LACTB: variants seen among roughly 807,000 people sequenced by gnomAD.
LACTB encodes the protein lactamase beta.
A neutral mutation model predicts 50.2 loss-of-function variants in LACTB; 35 were observed. The ratio of observed to expected loss-of-function variants is 0.70; its 90% CI spans 0.53 to 0.92. The LOEUF (loss-of-function observed/expected upper bound fraction) is 0.92. LACTB is among the 40% of genes least tolerant of loss of function. The pLI, the probability that LACTB is intolerant of heterozygous loss-of-function variation, is 0.00. For missense variants in LACTB, 664 were observed against 691.8 expected (o/e 0.96, Z 0.45); for synonymous variants, 252 against 268.2 (o/e 0.94, Z 0.59).
intron 4 of LACTB, among the ~76,000 whole-genome samples, chr15:63,129,027 C>G (rs2037094537): frequency 6.6e-6 from 1 of 152,200 alleles, no homozygotes; most frequent in Non-Finnish European, 1.5e-5. Context: ...CAGGAGTGAG[C>G]CACCGCTCCT....
intron 5 of LACTB, among the ~76,000 whole-genome samples, chr15:63,139,255 A>C (rs1217612787): frequency 1.3e-5 from 2 of 151,154 alleles, no homozygotes; most frequent in African/African-American, 4.9e-5. Flanking sequence ...AATCCCAGCT[A>C]CTGGGGAGGC....
intron 2 of LACTB, among the ~76,000 whole-genome samples, chr15:63,125,201 CTT>C (rs1457755607): frequency 1.3e-5 from 2 of 149,370 alleles, no homozygotes; most frequent in Non-Finnish European, 3.0e-5. Flanking sequence ...GAGTTTCACT[CTT>C]GTTGCCCAGG....
chr15:63,142,000 T>C lies in LACTB; in HGVS notation c.*195T>C. ...GGTTCTTTATACTCAGGGAAGTAATTATATTGTTTTTACTTTTTGAAAAAA... is the reference window on the plus strand; with the variant it reads ...GGTTCTTTATACTCAGGGAAGTAATCATATTGTTTTTACTTTTTGAAAAAA... On this transcript the variant is annotated 3_prime_UTR_variant, in exon 6 of 6. Transcript: ENST00000261893. 3 of 508,086 alleles carry C rather than the reference T, an allele frequency of 5.9e-6. No homozygotes were observed. The highest frequency in any genetic ancestry group is 6.9e-6 in the Non-Finnish European group (2 of 290,468). 31.5% of individuals were successfully genotyped at this position (508,086 alleles called of 1,614,324 possible).
chr15:63,122,551 G>A (rs894824791), intron 1 of LACTB, 85 bp from the exon 2 acceptor site: 2 of 1,076,584 alleles, frequency 1.9e-6, no homozygotes, highest in Admixed American at 1.7e-5. Flanking sequence ...AGGCTCAGGG[G>A]GCGGGGCCTT....
chr15:63,136,442 A>G (rs2037178027), intron 5 of LACTB, among the ~76,000 whole-genome samples: 1 of 150,932 alleles, frequency 6.6e-6, no homozygotes, highest in Non-Finnish European at 1.5e-5. Context: ...TCTTGTTTTA[A>G]TTTTTGGTAG....
chr15:63,122,838 A>G (rs542647185), intron 2 of LACTB, 136 bp downstream of exon 2: 2 of 652,388 alleles, frequency 3.1e-6, no homozygotes, highest in Admixed American at 2.8e-5. Flanking sequence ...CATCTAACAT[A>G]ATAAAGAGTC....
At chr15:63,124,057 T>A (rs1319074290) in intron 2 of LACTB, among the ~76,000 whole-genome samples, 1 of 152,124 alleles carries the variant, frequency 6.6e-6, no homozygotes, top group Non-Finnish European at 1.5e-5. Context: ...CGCTCTTCGC[T>A]ACCGCTAGAC....
Position 63,136,529 on chromosome 15 carries a change from A to G in LACTB, c.1119-4751A>G, listed in dbSNP as rs971003236. Among the ~76,000 whole-genome samples, 3 of 152,078 alleles carry G rather than the reference A, an allele frequency of 2.0e-5. No individual in the cohort carries two copies. The East Asian group carries it at 5.8e-4, about 29-fold the overall frequency. On this transcript the variant is annotated intron_variant, in intron 5 of 5. Coordinates refer to ENST00000261893, the MANE Select transcript of LACTB (RefSeq NM_032857.5). ...CTGCTGAAATAAAATAGGGCACTAA[A>G]AGAGGAAATATTGTTACCTAGGAAA...
In LACTB at chr15:63,122,019, C is replaced by T. The variant is rs1303979334; in HGVS notation, c.148C>T (p.Leu50=). The change falls in exon 1 of 6, where the codon CTG becomes TTG. Residue 50 remains leucine (L), a synonymous_variant. Transcript: ENST00000261893. ...CGGGGGCCTCGGGCTGGGGCTGGGG[C>T]TGGCGCTCGGGGTGAAGCTGGCAGG... ...WVGGLGLGLG[L]ALGVKLAGGL... 1.1e-5 allele frequency: 16 copies of T among 1,398,154 alleles called. No homozygotes were observed. The highest frequency in any genetic ancestry group is 1.5e-5 in the African/African-American group (1 of 66,234). The allele number at this position is 1,398,154 out of a possible 1,614,324, so 86.6% of individuals were successfully genotyped here. A position where few individuals can be genotyped will look rare whatever the true frequency, so the allele number is the denominator to read the frequency against.
chr15:63,129,943 T>G, intron 5 of LACTB: 2 of 214,910 alleles, frequency 9.3e-6, no homozygotes, highest in Non-Finnish European at 1.8e-5. Context: ...CATTCCTTTT[T>G]TAGGTTTTAA....
chr15:63,135,589 A>T (rs2037168381), intron 5 of LACTB, among the ~76,000 whole-genome samples: 1 of 152,158 alleles, frequency 6.6e-6, no homozygotes, highest in African/African-American at 2.4e-5. Context: ...GCATGGTGGC[A>T]TGCGCCTGTA....
chr15:63,135,503 C>T lies in LACTB; in HGVS notation c.1119-5777C>T, dbSNP rs1433069051. On this transcript the variant is annotated intron_variant, in intron 5 of 5. Coordinates refer to ENST00000261893, the MANE Select transcript of LACTB (RefSeq NM_032857.5). ...TTGGGAGGCCAAGAGGGGTGGATTG[C>T]TTGAGCCTCGGTGTTCAAGACCAGC... Among the ~76,000 whole-genome samples the T allele has an allele frequency of 2.6e-5, 4 of 152,236 alleles. No homozygotes were observed. The East Asian group carries it at 7.7e-4, about 29-fold the overall frequency.
In LACTB at chr15:63,121,916, CG is replaced by C. The variant is rs1176933757; in HGVS notation, c.50del (p.Gly17AlafsTer38). The C allele has an allele frequency of 1.1e-5, 15 of 1,420,690 alleles. No individual in the cohort carries two copies. The highest frequency in any genetic ancestry group is 9.3e-5 in the South Asian group (6 of 64,574). The allele number at this position is 1,420,690 out of a possible 1,614,324, so 88.0% of individuals were successfully genotyped here. On this transcript the variant is annotated frameshift_variant, in exon 1 of 6. Transcript: ENST00000261893. LOFTEE classifies it high-confidence loss of function. Reference protein sequence around the residue: ...SAVTARAAAPGGLASSCGRRG... With the variant: ...SAVTARAAAPXGLASSCGRRG... ...CAGTGACTGCCCGGGCTGCCGCCCC[CG>C]GGGGCTTGGCCTCAAGCTGCGGACG...
At chr15:63,130,515 G>GAA (rs34509023) in intron 5 of LACTB, 4,926 of 90,676 alleles carry the variant, frequency 0.054, 265 homozygotes, top group East Asian at 0.17. Flanking sequence ...GTCAAAAAAG[G>GAA]AAAAAAAAAA....
chr15:63,121,907 T>C lies in LACTB; in HGVS notation c.36T>C (p.Ala12=). ...TCATGTCAGCAGTGACTGCCCGGGC[T>C]GCCGCCCCCGGGGGCTTGGCCTCAA... ...YRLMSAVTAR[A]AAPGGLASSC... is the part of the protein sequence containing the mutation. The change falls in exon 1 of 6, where the codon GCT becomes GCC. Residue 12 remains alanine (A), a synonymous_variant. Coordinates refer to ENST00000261893, the MANE Select transcript of LACTB (RefSeq NM_032857.5). 7.0e-7 allele frequency: 1 copy of C among 1,418,848 alleles called. No homozygotes were observed. Among genetic ancestry groups the C allele is most frequent in the South Asian group, 1.6e-5 (1 of 64,274 alleles). 87.9% of individuals were successfully genotyped at this position (1,418,848 alleles called of 1,614,324 possible). A position where few individuals can be genotyped will look rare whatever the true frequency, so the allele number is the denominator to read the frequency against.
chr15:63,131,473 A>G (rs189445192), intron 5 of LACTB: 18 of 152,332 alleles, frequency 1.2e-4, no homozygotes, highest in East Asian at 9.6e-4. Flanking sequence ...GCTTACCTAT[A>G]TGTGTATTTT....
intron 1 of LACTB, 103 bp downstream of exon 1, chr15:63,122,331 C>T (rs2036986005): frequency 2.0e-6 from 2 of 995,036 alleles, no homozygotes; most frequent in African/African-American, 3.3e-5. Flanking sequence ...GGGGTGCCCG[C>T]GATCGGCTTC....
At chr15:63,126,792 C>A in intron 2 of LACTB, 67 bp from the exon 3 acceptor site, 1 of 925,710 alleles carries the variant, frequency 1.1e-6, no homozygotes, top group Non-Finnish European at 1.6e-6. Context: ...AGTATTATTT[C>A]AGGGTTTGAA....
intron 5 of LACTB, among the ~76,000 whole-genome samples, chr15:63,134,812 A>ATGTGTGTG (rs59941185): frequency 0.024 from 3,542 of 148,586 alleles, 102 homozygotes; most frequent in African/African-American, 0.068. Flanking sequence ...TGTGTGTGTG[A>ATGTGTGTG]TGTGTGTGTG....
Sources: allele counts gnomAD v4.1 joint callset (sites outside exome capture counted in the v4.1 genomes callset), GRCh38; gene constraint gnomAD v4.1.1; transcripts MANE v1.5; gene names NCBI Gene and HGNC (gene_info 2026-07-23, HGNC 2026-07-21).